CUZD1: variants seen among roughly 807,000 people sequenced by gnomAD.
CUZD1 encodes CUB and zona pellucida-like domain-containing protein 1.
Under a neutral mutation model 53.1 loss-of-function variants are expected in CUZD1, and 42 were observed. The ratio of observed to expected loss-of-function variants is 0.79; its 90% CI spans 0.62 to 1.02. The LOEUF is 1.02. Ranked by LOEUF, CUZD1 falls within the 50% of genes least tolerant of loss-of-function variation. The pLI, the probability that CUZD1 is intolerant of heterozygous loss-of-function variation, is 0.00. For synonymous variants in CUZD1, 238 were observed against 257.2 expected, an observed-to-expected ratio of 0.93 and a Z score of 0.71; for missense variants, 670 against 715.7, an observed-to-expected ratio of 0.94 and a Z score of 0.73.
intron 6 of CUZD1, 89 bp from the exon 7 acceptor site, chr10:122,835,186 A>G (rs904056574): frequency 9.6e-7 from 1 of 1,045,996 alleles, no homozygotes; most frequent in Non-Finnish European, 1.4e-6. Context: ...AGGTACAGAC[A>G]TAATTTTCTT....
intron 6 of CUZD1, 126 bp from the exon 7 acceptor site, chr10:122,835,223 C>A: frequency 1.6e-6 from 1 of 617,808 alleles, no homozygotes; most frequent in East Asian, 2.8e-5. Flanking sequence ...GCTTTCATGT[C>A]AGAATACTAT....
At chr10:122,837,581 A>C in intron 3 of CUZD1, 27 bp from the exon 4 acceptor site, 2 of 1,530,382 alleles carry the variant, frequency 1.3e-6, no homozygotes, top group Non-Finnish European at 1.7e-6. Flanking sequence ...GGTGGTCAAG[A>C]ATGAACATCA....
At chr10:122,839,913 C>A (rs1011739621) in intron 2 of CUZD1, among the ~76,000 whole-genome samples, 1 of 149,682 alleles carries the variant, frequency 6.7e-6, no homozygotes, top group Admixed American at 6.6e-5. Flanking sequence ...AGTGATTTAA[C>A]CTTTCTTGGC....
intron 2 of CUZD1, among the ~76,000 whole-genome samples, chr10:122,840,564 G>T (rs1847324823): frequency 6.6e-6 from 1 of 152,152 alleles, no homozygotes; most frequent in South Asian, 2.1e-4. Context: ...TTGTTGAGAG[G>T]ATTAACTAGA....
Position 122,833,688 on chromosome 10 carries a change from A to G in CUZD1, c.1635T>C (p.Ser545=), listed in dbSNP as rs1035427741. The part of the protein sequence containing the change: ...IGPIRLKRDR[S]ASGNSGFQHE... ...TTTTCTTACCTGAATTGCCACTTGC[A>G]CTTCGATCCCTTTTCAGACGAATGG... is the stretch of plus-strand genomic sequence containing the variant. The change falls in exon 8 of 9, where the codon AGT becomes AGC. Residue 545 remains serine, a synonymous_variant. Transcript: ENST00000392790. 4.3e-6 allele frequency: 7 copies of G among 1,613,142 alleles called. No homozygotes were observed. In the African/African-American group the frequency reaches 9.3e-5, roughly 22 times the overall value.
chr10:122,833,189 T>C (rs762443836), intron 8 of CUZD1, among the ~76,000 whole-genome samples: 5 of 152,180 alleles, frequency 3.3e-5, no homozygotes, highest in Non-Finnish European at 5.9e-5. Flanking sequence ...TCTGGGCAGA[T>C]CTCAGGTTTC....
At chr10:122,843,802 T>C (rs111634338) in intron 1 of CUZD1, among the ~76,000 whole-genome samples, 2,418 of 136,408 alleles carry the variant, frequency 0.018, 70 homozygotes, top group African/African-American at 0.063. Context: ...CATACATATA[T>C]ATACATACAT....
rs202220182 is a variant in CUZD1 at position 122,839,137 on chromosome 10, T to C, written c.328A>G (p.Asn110Asp). 1.6e-3 allele frequency: 2,523 copies of C among 1,613,526 alleles called. 59 individuals carry two copies. In the South Asian group the frequency reaches 0.026, roughly 17 times the overall value. Residue 110 changes from asparagine (N) to aspartate (D), a missense_variant, in exon 3 of 9, where the codon AAC becomes GAC. By Grantham distance (23) the Asn-to-Asp change is conservative. Transcript: ENST00000392790. ...GATTCAAATACAGGAACATAGTCGTTTTTACTGCAGACTTGCCCTAGCAGA... is the reference window on the plus strand; with the variant it reads ...GATTCAAATACAGGAACATAGTCGTCTTTACTGCAGACTTGCCCTAGCAGA... ...GPLLGQVCSK[N>D]DYVPVFESSS...
intron 2 of CUZD1, among the ~76,000 whole-genome samples, chr10:122,840,835 G>T (rs1282732269): frequency 6.6e-6 from 1 of 152,192 alleles, no homozygotes; most frequent in African/African-American, 2.4e-5. Context: ...TGGAACCAAA[G>T]TTTAGTGTTT....
At chr10:122,841,138 G>A (rs368148874) in intron 2 of CUZD1, 40 bp downstream of exon 2, 1 of 1,578,160 alleles carries the variant, frequency 6.3e-7, no homozygotes, top group Non-Finnish European at 8.6e-7. Flanking sequence ...TGTGGTCAGA[G>A]TTCGATATCC....
intron 6 of CUZD1, among the ~76,000 whole-genome samples, chr10:122,835,382 TAAA>T (rs1233944898): frequency 1.3e-5 from 2 of 152,148 alleles, no homozygotes; most frequent in African/African-American, 4.8e-5. Flanking sequence ...TTTCCAGTCT[TAAA>T]AAGACATTAC....
rs1356110501 is a variant in CUZD1, at chr10:122,841,162, T to G, written c.233+16A>C. On this transcript the variant is annotated intron_variant, in intron 2 of 8. Transcript: ENST00000392790. Reference sequence around the variant, plus strand: ...AGTTCGATATCCCTTATTAGGAAACTAAAGCTTCTACTTACTGGACATAGG... The same window carrying G: ...AGTTCGATATCCCTTATTAGGAAACGAAAGCTTCTACTTACTGGACATAGG... The G allele has an allele frequency of 1.2e-6, 2 of 1,605,990 alleles. No homozygotes were observed. The highest frequency in any genetic ancestry group is 1.7e-6 in the Non-Finnish European group (2 of 1,176,320).
intron 2 of CUZD1, 79 bp from the exon 3 acceptor site, chr10:122,839,310 G>T: frequency 8.0e-7 from 1 of 1,256,334 alleles, no homozygotes; most frequent in Non-Finnish European, 1.1e-6. Flanking sequence ...GCTCACCTAG[G>T]CATGTAAATT....
chr10:122,835,876 T>C (rs1331854157), intron 6 of CUZD1, among the ~76,000 whole-genome samples: 1 of 152,218 alleles, frequency 6.6e-6, no homozygotes, highest in Non-Finnish European at 1.5e-5. Flanking sequence ...GCATAAGTGT[T>C]ACTGGTAGGC....
chr10:122,837,637 A>G, intron 3 of CUZD1, 83 bp from the exon 4 acceptor site: 3 of 1,292,434 alleles, frequency 2.3e-6, no homozygotes, highest in South Asian at 1.5e-5. Context: ...TGAGCTTAAC[A>G]CATCTCTCCT....
In CUZD1 at chr10:122,836,231, A is replaced by G. The variant is rs367680605; in HGVS notation, c.937T>C (p.Ser313Pro). The change falls in exon 6 of 9, where the codon TCA becomes CCA. Residue 313 changes from serine (S) to proline (P), a missense_variant. Coordinates refer to ENST00000392790, the MANE Select transcript of CUZD1 (RefSeq NM_022034.6). ...LKDPTCRPKL[S>P]NVVEFSVPLN... ...GGGACAGAAAATTCCACAACATTTG[A>G]TAATTTTGGTCTGCAAGTTGGGTCT... 3 of 1,612,708 alleles carry G rather than the reference A, an allele frequency of 1.9e-6. No homozygotes were observed. Among genetic ancestry groups the G allele is most frequent in the East Asian group, 2.2e-5 (1 of 44,798 alleles).
intron 2 of CUZD1, among the ~76,000 whole-genome samples, chr10:122,840,876 A>G (rs747789435): frequency 1.1e-4 from 16 of 152,192 alleles, no homozygotes; most frequent in Admixed American, 3.3e-4. Flanking sequence ...TAGACCAGCT[A>G]GGTTCTAACT....
At position 122,832,244 on chromosome 10, in the gene CUZD1, A is replaced by G. The variant is rs772641813; in HGVS notation, c.*34T>C. 5.0e-6 allele frequency: 8 copies of G among 1,605,550 alleles called. No individual in the cohort carries two copies. The Middle Eastern group carries it at 6.7e-4, about 134-fold the overall frequency. ...GGTAGCATTTCCTTTGGCATCCTGG[A>G]GAAACATGTCTCACTTAGGGTTGGA... is the stretch of plus-strand genomic sequence containing the variant. On this transcript the variant is annotated 3_prime_UTR_variant, in exon 9 of 9. Coordinates refer to ENST00000392790, the MANE Select transcript of CUZD1 (RefSeq NM_022034.6).
Position 122,834,876 on chromosome 10 carries a change from T to C in CUZD1, c.1212A>G (p.Ser404=). ...NTSMALFESN[S]FEKTILESPY... is the part of the protein sequence containing the mutation. ...GTGATTCAAGTATAGTCTTTTCAAA[T>C]GAATTGGATTCAAAAAGAGCCATGC... The change falls in exon 7 of 9, where the codon TCA becomes TCG. Residue 404 remains serine, a synonymous_variant. Coordinates refer to ENST00000392790, the MANE Select transcript of CUZD1 (RefSeq NM_022034.6). 5 of 1,613,748 alleles carry C rather than the reference T, an allele frequency of 3.1e-6. No homozygotes were observed. The highest frequency in any genetic ancestry group is 4.2e-6 in the Non-Finnish European group (5 of 1,179,776).
Sources: gnomAD v4.1 joint callset for allele counts (sites outside exome capture counted in the v4.1 genomes callset) on GRCh38, gnomAD v4.1.1 for gene constraint, MANE v1.5 for transcripts, NCBI Gene and HGNC (gene_info 2026-07-23, HGNC 2026-07-21) for gene names.